The following SMARCA5 variants were observed in gnomAD, a reference collection of about 807,000 sequenced individuals.
SMARCA5 encodes the protein SWI/SNF-related matrix-associated actin-dependent regulator of chromatin subfamily A member 5.
Under a neutral mutation model 140.4 loss-of-function variants are expected in SMARCA5, and 18 were observed. The observed-to-expected ratio is 0.13, with a 90% CI of 0.09 to 0.19. The LOEUF is 0.19. Among genes scored for constraint, SMARCA5 ranks in the 10% least tolerant of loss-of-function variants. The pLI is 1.00. For synonymous variants in SMARCA5, 449 were observed against 419.6 expected, an observed-to-expected ratio of 1.07 and a Z score of -0.86; for missense variants, 606 against 1,276.8, an observed-to-expected ratio of 0.47 and a Z score of 8.01.
rs369996743 is a variant in SMARCA5, at chr4:143,523,247, G to C, written c.420-1120G>C. Reference sequence around the variant, plus strand: ...TCACCATGTTGGCCAGGCTAGTCTCGAACTTCTGACCTCAAGTGATCCACC... The same window carrying C: ...TCACCATGTTGGCCAGGCTAGTCTCCAACTTCTGACCTCAAGTGATCCACC... On this transcript the variant is annotated intron_variant, in intron 3 of 23. Transcript: ENST00000283131. 2.8e-4 allele frequency among the ~76,000 whole-genome samples: 43 copies of C among 152,064 alleles called. 1 individual carries two copies. The East Asian group carries it at 7.7e-3, about 27-fold the overall frequency.
chr4:143,530,902 C>T (rs1463834354), intron 9 of SMARCA5, among the ~76,000 whole-genome samples: 2 of 152,166 alleles, frequency 1.3e-5, no homozygotes, highest in African/African-American at 4.8e-5. Context: ...GAAACCTCTG[C>T]CTCCCAGGCT....
intron 10 of SMARCA5, 116 bp from the exon 11 acceptor site, chr4:143,536,336 A>C (rs1737304433): frequency 7.3e-6 from 5 of 685,304 alleles, no homozygotes; most frequent in Non-Finnish European, 1.3e-5. Context: ...GAAGTTGATG[A>C]GTAGTTTCTT....
Position 143,554,812 on chromosome 4 carries a change from T to A in SMARCA5, c.*1628T>A. The A allele has an allele frequency of 1.6e-5, 3 of 188,518 alleles. No individual in the cohort carries two copies. The highest frequency in any genetic ancestry group is 5.7e-5 in the Admixed American group (1 of 17,528). The allele number at this position is 188,518 out of a possible 1,614,324, so 11.7% of individuals were successfully genotyped here. A position where few individuals can be genotyped will look rare whatever the true frequency, so the allele number is the denominator to read the frequency against. On this transcript the variant is annotated 3_prime_UTR_variant, in exon 24 of 24. Coordinates refer to ENST00000283131, the MANE Select transcript of SMARCA5 (RefSeq NM_003601.4). ...TAAGGCTGAAGAAAACTTACGGAGG[T>A]CACAAAAGTGATGTTTTCAAGAGGA...
chr4:143,543,681 T>C, intron 15 of SMARCA5, 24 bp downstream of exon 15: 1 of 1,574,794 alleles, frequency 6.4e-7, no homozygotes. Flanking sequence ...TAAATAATGC[T>C]TTTAATATAG....
chr4:143,518,123 C>T (rs904092135), intron 2 of SMARCA5, among the ~76,000 whole-genome samples: 2 of 152,068 alleles, frequency 1.3e-5, no homozygotes, highest in Non-Finnish European at 2.9e-5. Context: ...AAATATGCTC[C>T]TTGTTCACAG....
At chr4:143,533,957 T>C (rs1737251090) in intron 9 of SMARCA5, among the ~76,000 whole-genome samples, 2 of 152,216 alleles carry the variant, frequency 1.3e-5, no homozygotes, top group Non-Finnish European at 2.9e-5. Context: ...GCTTCACAGA[T>C]ACTGCATTTT....
At chr4:143,526,189 T>C in intron 5 of SMARCA5, 92 bp from the exon 6 acceptor site, 2 of 1,035,844 alleles carry the variant, frequency 1.9e-6, no homozygotes, top group Non-Finnish European at 2.9e-6. Context: ...ATATGTAGCA[T>C]TTCTTTTGAA....
chr4:143,555,459 G>T lies in SMARCA5; in HGVS notation c.*2275G>T, dbSNP rs1438443599. The stretch of plus-strand genomic sequence containing the variant: ...AATTGTATAATAGTTTCTGTTCTGT[G>T]GAAAGTAAAGCATTCCAACACAGGG... On this transcript the variant is annotated 3_prime_UTR_variant, in exon 24 of 24. Coordinates refer to ENST00000283131, the MANE Select transcript of SMARCA5 (RefSeq NM_003601.4). The T allele has an allele frequency of 9.2e-6, 5 of 540,990 alleles. No individual in the cohort carries two copies. The Admixed American group carries it at 1.0e-4, about 11-fold the overall frequency. 33.5% of individuals were successfully genotyped at this position (540,990 alleles called of 1,614,324 possible). A position where few individuals can be genotyped will look rare whatever the true frequency, so the allele number is the denominator to read the frequency against.
intron 22 of SMARCA5, 58 bp from the exon 23 acceptor site, chr4:143,549,939 T>C: frequency 1.1e-6 from 1 of 934,608 alleles, no homozygotes; most frequent in East Asian, 2.5e-5. Flanking sequence ...TGTTTTAAAA[T>C]TGAAATCATG....
chr4:143,534,655 A>T (rs1356073304), intron 9 of SMARCA5, among the ~76,000 whole-genome samples, 200 bp from the exon 10 acceptor site: 1 of 152,140 alleles, frequency 6.6e-6, no homozygotes, highest in Non-Finnish European at 1.5e-5. Flanking sequence ...GGATTTTGGT[A>T]TTCAAAGGGA....
intron 14 of SMARCA5, among the ~76,000 whole-genome samples, chr4:143,540,879 C>T (rs1469856903): frequency 6.6e-6 from 1 of 152,124 alleles, no homozygotes; most frequent in Non-Finnish European, 1.5e-5. Flanking sequence ...CTCTTGATTA[C>T]TGTGGGGAAA....
Position 143,554,815 on chromosome 4 carries a change from C to G in SMARCA5, c.*1631C>G, listed in dbSNP as rs1737714727. The G allele has an allele frequency of 1.1e-5, 2 of 190,388 alleles. No homozygotes were observed. The highest frequency in any genetic ancestry group is 2.0e-4 in the South Asian group (2 of 9,832). 11.8% of individuals were successfully genotyped at this position (190,388 alleles called of 1,614,324 possible). A position where few individuals can be genotyped will look rare whatever the true frequency, so the allele number is the denominator to read the frequency against. On this transcript the variant is annotated 3_prime_UTR_variant, in exon 24 of 24. Transcript: ENST00000283131. ...GGCTGAAGAAAACTTACGGAGGTCA[C>G]AAAAGTGATGTTTTCAAGAGGAGGA...
chr4:143,548,459 G>A (rs1737574805), intron 22 of SMARCA5, among the ~76,000 whole-genome samples: 1 of 151,962 alleles, frequency 6.6e-6, no homozygotes, highest in Non-Finnish European at 1.5e-5. Flanking sequence ...AATGGTCCTT[G>A]CATTCAAGCA....
chr4:143,528,385 C>T (rs774028014), intron 7 of SMARCA5, among the ~76,000 whole-genome samples, 198 bp from the exon 8 acceptor site: 2 of 152,142 alleles, frequency 1.3e-5, no homozygotes, highest in Non-Finnish European at 2.9e-5. Context: ...TGATGGCTTC[C>T]AGCTTCATCC....
At position 143,517,327 on chromosome 4, in the gene SMARCA5, A is replaced by G. The variant is rs368239422; in HGVS notation, c.178-28A>G. 1,223 of 1,550,252 alleles carry G rather than the reference A, an allele frequency of 7.9e-4. 1 individual carries two copies. The highest frequency in any genetic ancestry group is 2.7e-3 in the Middle Eastern group (16 of 5,920). ...GTATGTTTACTATTTTCGAAGACCAATTCTATTTAATTATTTCTTTCTACC... is the reference window on the plus strand; with the variant it reads ...GTATGTTTACTATTTTCGAAGACCAGTTCTATTTAATTATTTCTTTCTACC... On this transcript the variant is annotated intron_variant, in intron 1 of 23. Coordinates refer to ENST00000283131, the MANE Select transcript of SMARCA5 (RefSeq NM_003601.4).
intron 9 of SMARCA5, among the ~76,000 whole-genome samples, chr4:143,534,538 C>A (rs1464762432): frequency 1.3e-5 from 2 of 152,112 alleles, no homozygotes; most frequent in Non-Finnish European, 2.9e-5. Context: ...ATTTACATTC[C>A]ATTAACTATT....
At position 143,555,127 on chromosome 4, in the gene SMARCA5, G is replaced by T. The variant is rs1417313967; in HGVS notation, c.*1943G>T. Reference sequence around the variant, plus strand: ...CACAGCTACTACTGCTACTGGAACTGCCTTAACCACTACTGCTACTGGAAC... The same window carrying T: ...CACAGCTACTACTGCTACTGGAACTTCCTTAACCACTACTGCTACTGGAAC... On this transcript the variant is annotated 3_prime_UTR_variant, in exon 24 of 24. Coordinates refer to ENST00000283131, the MANE Select transcript of SMARCA5 (RefSeq NM_003601.4). 1.5e-6 allele frequency: 1 copy of T among 687,990 alleles called. No homozygotes were observed. The highest frequency in any genetic ancestry group is 2.8e-5 in the East Asian group (1 of 36,332). 42.6% of individuals were successfully genotyped at this position (687,990 alleles called of 1,614,324 possible). A position where few individuals can be genotyped will look rare whatever the true frequency, so the allele number is the denominator to read the frequency against.
chr4:143,542,343 T>TAGG (rs1349153788), intron 14 of SMARCA5, among the ~76,000 whole-genome samples: 1 of 152,212 alleles, frequency 6.6e-6, no homozygotes, highest in Non-Finnish European at 1.5e-5. Context: ...ACCTTTGTGT[T>TAGG]ACTGTTTTTT....
chr4:143,519,841 C>T (rs980316238), intron 2 of SMARCA5, among the ~76,000 whole-genome samples: 18 of 152,050 alleles, frequency 1.2e-4, no homozygotes, highest in African/African-American at 4.3e-4. Context: ...TCTAAAATGT[C>T]CCCACTCTGA....
Sources: gnomAD v4.1 joint callset for allele counts (sites outside exome capture counted in the v4.1 genomes callset) on GRCh38, gnomAD v4.1.1 for gene constraint, MANE v1.5 for transcripts, NCBI Gene and HGNC (gene_info 2026-07-23, HGNC 2026-07-21) for gene names.